Variants in ATP7B observed in about 807,000 individuals in gnomAD.
The protein encoded by ATP7B is ATPase copper transporting beta, also known as copper-transporting ATPase 2.
In ATP7B, 113 loss-of-function variants were observed where a neutral mutation model predicts 118.9. The observed-to-expected ratio is 0.95, with a 90% CI of 0.82 to 1.11. The LOEUF (loss-of-function observed/expected upper bound fraction) is 1.11, where lower values mean the gene tolerates loss of function less well. Ranked by LOEUF, ATP7B falls within the 50% of genes most tolerant of loss-of-function variation. ATP7B has a pLI of 0.00. For synonymous variants in ATP7B, 777 were observed against 727.4 expected, an observed-to-expected ratio of 1.07 and a Z score of -1.10; for missense variants, 1,867 against 1,871.4, an observed-to-expected ratio of 1.00 and a Z score of 0.04.
At chr13:51,989,277 C>T (rs745581496) in intron 1 of ATP7B, among the ~76,000 whole-genome samples, 2 of 152,156 alleles carry the variant, frequency 1.3e-5, no homozygotes, top group African/African-American at 2.4e-5. Context: ...TCCAAAAAGA[C>T]TTTCCACTGA....
At chr13:51,979,515 A>C (rs562483647) in intron 1 of ATP7B, among the ~76,000 whole-genome samples, 12 of 152,356 alleles carry the variant, frequency 7.9e-5, no homozygotes, top group African/African-American at 2.9e-4. Context: ...AGCACAAAGA[A>C]GACTCAGAAC....
intron 1 of ATP7B, 141 bp downstream of exon 1, chr13:52,011,146 A>G: frequency 7.8e-7 from 1 of 1,281,966 alleles, no homozygotes; most frequent in Non-Finnish European, 1.1e-6. Flanking sequence ...CTTTTCTCCC[A>G]CGCCAAGACA....
chr13:51,936,941 G>A (rs1957001673), intron 19 of ATP7B, among the ~76,000 whole-genome samples: 2 of 152,152 alleles, frequency 1.3e-5, no homozygotes, highest in South Asian at 2.1e-4. Context: ...TGTAGCAGAT[G>A]CCCCATAATT....
intron 1 of ATP7B, among the ~76,000 whole-genome samples, chr13:51,993,385 T>C (rs571333685): frequency 1.3e-5 from 2 of 152,028 alleles, no homozygotes; most frequent in East Asian, 1.9e-4. Flanking sequence ...CTGGGCAACA[T>C]AGGGAGACCA....
chr13:52,009,722 T>G (rs765754181), intron 1 of ATP7B, among the ~76,000 whole-genome samples: 3 of 152,180 alleles, frequency 2.0e-5, no homozygotes, highest in Non-Finnish European at 4.4e-5. Context: ...TTATCCCTTT[T>G]TTTTTCCTAT....
rs1240148942 is a variant in ATP7B, at chr13:51,946,273, T to C, written c.3060+11A>G. ...TCTCTCAGGATGGGGAAAGCCGTGCTACAGGCTGACCTTGTGCGCCATCTC... is the reference window on the plus strand; with the variant it reads ...TCTCTCAGGATGGGGAAAGCCGTGCCACAGGCTGACCTTGTGCGCCATCTC... On this transcript the variant is annotated intron_variant, in intron 13 of 20. Transcript: ENST00000242839. The C allele has an allele frequency of 6.4e-7, 1 of 1,570,538 alleles. No homozygotes were observed. Among genetic ancestry groups the C allele is most frequent in the South Asian group, 1.2e-5 (1 of 86,376 alleles).
chr13:51,967,126 C>T (rs970039069), intron 4 of ATP7B: 9 of 1,590,406 alleles, frequency 5.7e-6, no homozygotes, highest in South Asian at 3.3e-5. Flanking sequence ...CACCTGTACT[C>T]GGATCTATGA....
In ATP7B at chr13:51,935,619, CACAG is replaced by C. The variant is rs1566434279; in HGVS notation, c.4094_4097del (p.Ser1365TrpfsTer27). ...ACTTGAGCTGCAGGGATGAGAGCACCACAGACACAGAGGAGGCTGCCATGGCCGC... is the reference window on the plus strand; with the variant it reads ...ACTTGAGCTGCAGGGATGAGAGCACCACACAGAGGAGGCTGCCATGGCCGC... On this transcript the variant is annotated frameshift_variant, in exon 20 of 21. Coordinates refer to ENST00000242839, the MANE Select transcript of ATP7B (RefSeq NM_000053.4). LOFTEE classifies it high-confidence loss of function. The C allele has an allele frequency of 6.2e-7, 1 of 1,613,740 alleles. No individual in the cohort carries two copies.
chr13:51,982,992 G>C (rs868453772), intron 1 of ATP7B, among the ~76,000 whole-genome samples: 1 of 152,194 alleles, frequency 6.6e-6, no homozygotes, highest in Non-Finnish European at 1.5e-5. Context: ...ACAGCCGTTT[G>C]GGCAGACACC....
At chr13:51,941,816 C>T (rs771159430) in intron 15 of ATP7B, among the ~76,000 whole-genome samples, 3 of 150,304 alleles carry the variant, frequency 2.0e-5, no homozygotes, top group Non-Finnish European at 4.4e-5. Flanking sequence ...TGGCTTCTAA[C>T]CACACAATCT....
At chr13:52,003,726 C>T (rs972827657) in intron 1 of ATP7B, among the ~76,000 whole-genome samples, 1 of 152,170 alleles carries the variant, frequency 6.6e-6, no homozygotes, top group East Asian at 1.9e-4. Context: ...ACAGGCCATG[C>T]GGGGCTTGCG....
intron 2 of ATP7B, among the ~76,000 whole-genome samples, chr13:51,971,287 C>G (rs184375933): frequency 6.6e-6 from 1 of 152,288 alleles, no homozygotes; most frequent in East Asian, 1.9e-4. Flanking sequence ...ATACATATGT[C>G]ATGAATATTG....
chr13:51,965,410 C>T (rs746745913), intron 4 of ATP7B, among the ~76,000 whole-genome samples: 10 of 152,166 alleles, frequency 6.6e-5, no homozygotes, highest in Non-Finnish European at 1.2e-4. Flanking sequence ...CTGTGAAACT[C>T]GCTGCACTCC....
At position 51,974,047 on chromosome 13, in the gene ATP7B, CG is replaced by C. The variant is rs1951978776; in HGVS notation, c.1172del (p.Ser391TrpfsTer17). 1 of 1,614,202 alleles carries C rather than the reference CG, an allele frequency of 6.2e-7. No homozygotes were observed. The highest frequency in any genetic ancestry group is 1.3e-5 in the African/African-American group (1 of 75,048). On this transcript the variant is annotated frameshift_variant, in exon 2 of 21. Coordinates refer to ENST00000242839, the MANE Select transcript of ATP7B (RefSeq NM_000053.4). LOFTEE classifies it high-confidence loss of function. Reference protein sequence around the residue: ...ISQLEGVQQISVSLAEGTATV... With the variant: ...ISQLEGVQQIXVSLAEGTATV... The stretch of plus-strand genomic sequence containing the variant: ...TTGCAGTCCCTTCGGCCAAAGACAC[CG>C]ATATTTGCTGCACCCCTTCCAGTTG...
chr13:51,985,305 C>G (rs747717896), intron 1 of ATP7B, among the ~76,000 whole-genome samples: 1 of 152,046 alleles, frequency 6.6e-6, no homozygotes, highest in Non-Finnish European at 1.5e-5. Context: ...CCAAAAAGAT[C>G]AAAAGAGACA....
At chr13:52,006,237 C>G (rs984033840) in intron 1 of ATP7B, among the ~76,000 whole-genome samples, 2 of 152,234 alleles carry the variant, frequency 1.3e-5, no homozygotes, top group African/African-American at 4.8e-5. Flanking sequence ...TCCTCGATAT[C>G]TATGCTATGG....
intron 19 of ATP7B, among the ~76,000 whole-genome samples, chr13:51,936,178 G>A (rs1956949393): frequency 6.6e-6 from 1 of 152,224 alleles, no homozygotes; most frequent in Non-Finnish European, 1.5e-5. Context: ...TCCCAGGACA[G>A]GGTCAGGAGA....
intron 1 of ATP7B, among the ~76,000 whole-genome samples, chr13:51,989,739 G>A (rs940032858): frequency 2.0e-5 from 3 of 152,118 alleles, no homozygotes; most frequent in Admixed American, 6.5e-5. Flanking sequence ...ATAATCAACC[G>A]TTTCAGAGAA....
chr13:51,963,744 A>AC (rs1958905656), intron 5 of ATP7B, among the ~76,000 whole-genome samples: 1 of 149,682 alleles, frequency 6.7e-6, no homozygotes, highest in African/African-American at 2.5e-5. Flanking sequence ...CTCAAAAAAA[A>AC]AAAAAAAAAA....
Sources: allele counts gnomAD v4.1 joint callset (sites outside exome capture counted in the v4.1 genomes callset), GRCh38; gene constraint gnomAD v4.1.1; transcripts MANE v1.5; gene names NCBI Gene and HGNC (gene_info 2026-07-23, HGNC 2026-07-21).